EBAG9: variants seen among roughly 807,000 people sequenced by gnomAD.
EBAG9 encodes estrogen receptor binding site associated antigen 9.
In EBAG9, 16 loss-of-function variants were observed where a neutral mutation model predicts 30.9. That is an observed-to-expected ratio of 0.52 (90% CI 0.35 to 0.79). The LOEUF is 0.79. Among genes scored for constraint, EBAG9 ranks in the 30% least tolerant of loss-of-function variants. EBAG9 has a pLI of 0.01. For missense variants in EBAG9, 197 were observed against 242.1 expected (o/e 0.81, Z 1.24); for synonymous variants, 93 against 82.8 (o/e 1.12, Z -0.67).
At chr8:109,560,410 G>A (rs764682588) in intron 5 of EBAG9, among the ~76,000 whole-genome samples, 8 of 152,166 alleles carry the variant, frequency 5.3e-5, no homozygotes, top group Admixed American at 1.3e-4. Flanking sequence ...ACTTCAGCTC[G>A]CAGTTCTTCT....
At chr8:109,548,205 A>G (rs1184841244) in intron 1 of EBAG9, among the ~76,000 whole-genome samples, 2 of 152,034 alleles carry the variant, frequency 1.3e-5, no homozygotes, top group African/African-American at 4.8e-5. Context: ...TTTTTTCCAT[A>G]TGGATATGGA....
At chr8:109,558,598 A>G (rs1206047684) in intron 5 of EBAG9, among the ~76,000 whole-genome samples, 1 of 152,070 alleles carries the variant, frequency 6.6e-6, no homozygotes, top group African/African-American at 2.4e-5. Flanking sequence ...ACAACTACTT[A>G]CAGAGTTGAG....
chr8:109,542,437 T>C (rs1308568463), intron 1 of EBAG9, among the ~76,000 whole-genome samples: 1 of 152,220 alleles, frequency 6.6e-6, no homozygotes, highest in Non-Finnish European at 1.5e-5. Context: ...TATTCTCAAC[T>C]TTTATTCATG....
chr8:109,550,775 T>C (rs1821477083), intron 1 of EBAG9, 35 bp from the exon 2 acceptor site: 2 of 1,239,790 alleles, frequency 1.6e-6, no homozygotes, highest in African/African-American at 1.5e-5. Flanking sequence ...TTGAAATCAA[T>C]TTAATGCATT....
chr8:109,541,115 A>C (rs1821265380), intron 1 of EBAG9, among the ~76,000 whole-genome samples: 2 of 152,130 alleles, frequency 1.3e-5, no homozygotes, highest in Non-Finnish European at 2.9e-5. Flanking sequence ...TTCTTCAAAA[A>C]GCCTTAATGA....
At chr8:109,560,990 G>T (rs1821700176) in intron 6 of EBAG9, 61 bp downstream of exon 6, 2 of 1,438,036 alleles carry the variant, frequency 1.4e-6, no homozygotes, top group African/African-American at 1.4e-5. Context: ...TCCCTGCTGT[G>T]TTTCAAGTCA....
intron 4 of EBAG9, among the ~76,000 whole-genome samples, chr8:109,556,244 T>C (rs2131122564): frequency 6.6e-6 from 1 of 152,168 alleles, no homozygotes; most frequent in South Asian, 2.1e-4. Context: ...AATACAGTTG[T>C]TCCTCACCTT....
chr8:109,539,753 C>A (rs950066174), upstream of EBAG9: 1 of 152,314 alleles, frequency 6.6e-6, no homozygotes, highest in African/African-American at 2.4e-5. Context: ...GCAACGCAGG[C>A]TGCTACGGAG....
chr8:109,564,359 C>A, intron 6 of EBAG9, 80 bp from the exon 7 acceptor site: 2 of 1,519,232 alleles, frequency 1.3e-6, no homozygotes, highest in Non-Finnish European at 8.9e-7. Context: ...AATAAAAAGG[C>A]ACTGCTATTT....
At chr8:109,556,843 T>C in intron 4 of EBAG9, 92 bp from the exon 5 acceptor site, 1 of 553,456 alleles carries the variant, frequency 1.8e-6, no homozygotes. Flanking sequence ...TAAGAAGAAA[T>C]ATTTTAAGTA....
chr8:109,543,596 C>G (rs1349683164), intron 1 of EBAG9, among the ~76,000 whole-genome samples: 4 of 152,122 alleles, frequency 2.6e-5, no homozygotes, highest in Admixed American at 2.6e-4. Context: ...TCTTAGCTCT[C>G]TAATGCTTCA....
chr8:109,559,285 C>A (rs969044152), intron 5 of EBAG9, among the ~76,000 whole-genome samples: 11 of 151,894 alleles, frequency 7.2e-5, no homozygotes, highest in African/African-American at 2.7e-4. Context: ...GGCGAAATCC[C>A]CCCTCTACAA....
At chr8:109,562,024 A>G (rs1821721671) in intron 6 of EBAG9, among the ~76,000 whole-genome samples, 1 of 151,866 alleles carries the variant, frequency 6.6e-6, no homozygotes, top group South Asian at 2.1e-4. Context: ...ATATTTTTTA[A>G]ATTGTGAACT....
intron 6 of EBAG9, among the ~76,000 whole-genome samples, 155 bp downstream of exon 6, chr8:109,561,084 C>T (rs1337734964): frequency 1.3e-5 from 2 of 151,478 alleles, no homozygotes; most frequent in East Asian, 1.9e-4. Context: ...TTTCAGACTG[C>T]AGATACTATT....
chr8:109,557,146 G>T (rs1391850839), intron 5 of EBAG9, 104 bp downstream of exon 5: 33 of 651,022 alleles, frequency 5.1e-5, no homozygotes, highest in Non-Finnish European at 7.1e-5. Context: ...TTATATTTTT[G>T]TAACTTTGAA....
At chr8:109,547,540 G>GC (rs1057106582) in intron 1 of EBAG9, among the ~76,000 whole-genome samples, 11 of 151,598 alleles carry the variant, frequency 7.3e-5, no homozygotes, top group Non-Finnish European at 1.6e-4. Flanking sequence ...GAGTGCAGTG[G>GC]CGTGATCTCG....
chr8:109,548,898 T>TC lies in EBAG9; in HGVS notation c.-15-1912_-15-1911insC, dbSNP rs1319260891. On this transcript the variant is annotated intron_variant, in intron 1 of 6. Transcript: ENST00000337573. The stretch of plus-strand genomic sequence containing the variant: ...TTTTTTTCTTTTTTCTTTTTTTTTT[T>TC]TTTTTTGCTGGATTGCATTGGCCAG... Among the ~76,000 whole-genome samples the TC allele has an allele frequency of 3.5e-4, 52 of 149,838 alleles. 1 individual carries two copies. Among genetic ancestry groups the TC allele is most frequent in the African/African-American group, 1.3e-3 (52 of 41,134 alleles).
At chr8:109,544,258 A>G (rs1271412191) in intron 1 of EBAG9, among the ~76,000 whole-genome samples, 1 of 152,228 alleles carries the variant, frequency 6.6e-6, no homozygotes, top group Non-Finnish European at 1.5e-5. Context: ...TTAAGTAAGT[A>G]TGTGTAGAAC....
intron 1 of EBAG9, among the ~76,000 whole-genome samples, chr8:109,541,430 T>C (rs900670078): frequency 1.3e-5 from 2 of 152,156 alleles, no homozygotes; most frequent in African/African-American, 4.8e-5. Flanking sequence ...TAAGTGAATC[T>C]AAGTCTGTCA....
Sources: gnomAD v4.1 joint callset for allele counts (sites outside exome capture counted in the v4.1 genomes callset) on GRCh38, gnomAD v4.1.1 for gene constraint, MANE v1.5 for transcripts, NCBI Gene and HGNC (gene_info 2026-07-23, HGNC 2026-07-21) for gene names.